Variants in PCDH17 observed in about 807,000 individuals in gnomAD.
PCDH17 encodes protocadherin-17.
In PCDH17, 21 loss-of-function variants were observed where a neutral mutation model predicts 67.7. The ratio of observed to expected loss-of-function variants is 0.31; its 90% CI spans 0.22 to 0.45. The LOEUF is 0.45. Among genes scored for constraint, PCDH17 ranks in the 20% least tolerant of loss-of-function variants. The probability of loss-of-function intolerance (pLI) is 1.00; values close to 1 mark genes in which losing one functional copy is unlikely to be tolerated. For missense variants in PCDH17, 1,471 were observed against 1,564.8 expected (o/e 0.94, Z 1.01); for synonymous variants, 701 against 656.7 (o/e 1.07, Z -1.03).
intron 2 of PCDH17, 21 bp downstream of exon 2, chr13:57,666,547 T>G (rs771316085): frequency 6.2e-7 from 1 of 1,612,662 alleles, no homozygotes; most frequent in Non-Finnish European, 8.5e-7. Context: ...TTAAATAACT[T>G]TTCTCAGCTT....
At chr13:57,660,924 CTGTT>C (rs1239379476) in intron 1 of PCDH17, among the ~76,000 whole-genome samples, 25 of 152,120 alleles carry the variant, frequency 1.6e-4, no homozygotes, top group African/African-American at 5.6e-4. Flanking sequence ...GATGGTCTGT[CTGTT>C]CACCTTTTGA....
intron 1 of PCDH17, among the ~76,000 whole-genome samples, chr13:57,642,604 T>G (rs746436980): frequency 6.6e-6 from 1 of 151,592 alleles, no homozygotes; most frequent in Non-Finnish European, 1.5e-5. Context: ...AGGCACTGAG[T>G]CATGAATTGT....
chr13:57,676,604 T>C (rs1955393636), intron 3 of PCDH17, among the ~76,000 whole-genome samples: 1 of 151,762 alleles, frequency 6.6e-6, no homozygotes, highest in Non-Finnish European at 1.5e-5. Context: ...GAAAAGATAA[T>C]AGGGTTCATA....
At position 57,683,768 on chromosome 13, in the gene PCDH17, A is replaced by C. The variant is rs1955480296; in HGVS notation, c.2797+16935A>C. Among the ~76,000 whole-genome samples, 4 of 152,026 alleles carry C rather than the reference A, an allele frequency of 2.6e-5. No homozygotes were observed. In the South Asian group the frequency reaches 8.3e-4, roughly 31 times the overall value. On this transcript the variant is annotated intron_variant, in intron 3 of 3. Transcript: ENST00000377918. ...GACACATTTCTAATTAAATCATTCA[A>C]TTTGAATACCCAGATAGTAGTGGGC...
intron 3 of PCDH17, among the ~76,000 whole-genome samples, chr13:57,675,671 C>T (rs1367406738): frequency 6.6e-6 from 1 of 151,846 alleles, no homozygotes; most frequent in African/African-American, 2.4e-5. Flanking sequence ...CAGTGTATGG[C>T]AAGTTGCTGT....
intron 3 of PCDH17, among the ~76,000 whole-genome samples, chr13:57,670,571 A>T (rs1006218470): frequency 1.3e-4 from 19 of 149,830 alleles, no homozygotes; most frequent in African/African-American, 4.1e-4. Context: ...ATAATTTAAA[A>T]ATATATATAT....
chr13:57,725,501 A>T lies in PCDH17; in HGVS notation c.*207A>T. 2 of 516,892 alleles carry T rather than the reference A, an allele frequency of 3.9e-6. No individual in the cohort carries two copies. 32.0% of individuals were successfully genotyped at this position (516,892 alleles called of 1,614,324 possible). A position where few individuals can be genotyped will look rare whatever the true frequency, so the allele number is the denominator to read the frequency against. On this transcript the variant is annotated 3_prime_UTR_variant, in exon 4 of 4. Coordinates refer to ENST00000377918, the MANE Select transcript of PCDH17 (RefSeq NM_001040429.3). ...ATAACAATGGTTTCGTTTTGACCAA[A>T]CTTGTATTAGGACAGAATTAATGAT... is the stretch of plus-strand genomic sequence containing the variant.
At chr13:57,658,882 C>T (rs966218043) in intron 1 of PCDH17, among the ~76,000 whole-genome samples, 4 of 151,988 alleles carry the variant, frequency 2.6e-5, no homozygotes, top group African/African-American at 9.7e-5. Flanking sequence ...TGGGTGCAAG[C>T]GATTCCCCTG....
In PCDH17 at chr13:57,666,488, G is replaced by A. The variant is rs1161075424; in HGVS notation, c.2586G>A (p.Glu862=). The change falls in exon 2 of 4, where the codon GAG becomes GAA. Residue 862 remains glutamate, a synonymous_variant. Transcript: ENST00000377918. ...SIIQTDNFPA[E]PNYMGSRQQF... ...CACAGACAGACAATTTTCCCGCAGA[G>A]CCCAATTACATGGGCAGCAGGCAGC... 1 of 1,613,810 alleles carries A rather than the reference G, an allele frequency of 6.2e-7. No homozygotes were observed.
At chr13:57,638,734 G>A (rs1954854964) in intron 1 of PCDH17, among the ~76,000 whole-genome samples, 3 of 151,948 alleles carry the variant, frequency 2.0e-5, no homozygotes, top group Admixed American at 2.0e-4. Context: ...AAATGATATT[G>A]AAGTGTAGAG....
At chr13:57,690,658 T>G (rs1955550191) in intron 3 of PCDH17, among the ~76,000 whole-genome samples, 1 of 151,646 alleles carries the variant, frequency 6.6e-6, no homozygotes, top group African/African-American at 2.4e-5. Flanking sequence ...ATGGTATATT[T>G]AATGTATACT....
At position 57,632,532 on chromosome 13, in the gene PCDH17, C is replaced by T. The variant is rs763971399; in HGVS notation, c.-15C>T. ...TCCAGTCCGATTGCTCCTGCCCCCA[C>T]CTTACAGGTCTGGGATGTACCTTTC... On this transcript the variant is annotated 5_prime_UTR_variant, in exon 1 of 4. Coordinates refer to ENST00000377918, the MANE Select transcript of PCDH17 (RefSeq NM_001040429.3). 1.2e-6 allele frequency: 2 copies of T among 1,609,580 alleles called. No individual in the cohort carries two copies. Among genetic ancestry groups the T allele is most frequent in the East Asian group, 2.2e-5 (1 of 44,710 alleles).
rs137953373 is a variant in PCDH17, at chr13:57,686,614, C to T, written c.2797+19781C>T. On this transcript the variant is annotated intron_variant, in intron 3 of 3. Transcript: ENST00000377918. ...TTTGCAAATAAGTAACAGCACTTGGCAATTAGATGGATATGACATCTGTAG... is the reference window on the plus strand; with the variant it reads ...TTTGCAAATAAGTAACAGCACTTGGTAATTAGATGGATATGACATCTGTAG... 2.1e-3 allele frequency among the ~76,000 whole-genome samples: 314 copies of T among 151,608 alleles called. 3 individuals are homozygous for T. Among genetic ancestry groups the T allele is most frequent in the African/African-American group, 7.5e-3 (310 of 41,366 alleles).
chr13:57,631,710 GA>G (rs1954723495), upstream of PCDH17: 1 of 152,360 alleles, frequency 6.6e-6, no homozygotes, highest in Admixed American at 6.5e-5. Context: ...GTGGGGAGAG[GA>G]AACTACAAAT....
chr13:57,707,687 T>A (rs1343643801), intron 3 of PCDH17, among the ~76,000 whole-genome samples: 1 of 152,040 alleles, frequency 6.6e-6, no homozygotes, highest in Admixed American at 6.6e-5. Context: ...ATAGTTCTGG[T>A]GGCTAGAAGT....
intron 3 of PCDH17, among the ~76,000 whole-genome samples, chr13:57,703,009 T>G (rs982649666): frequency 3.9e-5 from 6 of 152,190 alleles, no homozygotes; most frequent in Non-Finnish European, 5.9e-5. Context: ...ATATGTGTGT[T>G]CTGTCTTGTT....
chr13:57,666,832 A>G lies in PCDH17; in HGVS notation c.2796A>G (p.Gln932=), dbSNP rs1316701770. 6.2e-7 allele frequency: 1 copy of G among 1,602,228 alleles called. No individual in the cohort carries two copies. Among genetic ancestry groups the G allele is most frequent in the African/African-American group, 1.3e-5 (1 of 74,540 alleles). The stretch of plus-strand genomic sequence containing the variant: ...CAACTAAAAGCCAACCACTTGAACA[A>G]GGTGAGTGAAGTCTTCCAATGCTTA... ...TTSTKSQPLE[Q]EPEECVNCTD... is the part of the protein sequence containing the mutation. Residue 932 remains glutamine (Q), a splice_region_variant and synonymous_variant, in exon 3 of 4, where the codon CAA becomes CAG. Transcript: ENST00000377918.
Position 57,636,267 on chromosome 13 carries a change from T to A in PCDH17, c.2565+1156T>A, listed in dbSNP as rs112191445. 1.3e-3 allele frequency among the ~76,000 whole-genome samples: 191 copies of A among 152,296 alleles called. 2 individuals are homozygous for A. Among genetic ancestry groups the A allele is most frequent in the African/African-American group, 4.5e-3 (189 of 41,580 alleles). On this transcript the variant is annotated intron_variant, in intron 1 of 3. Coordinates refer to ENST00000377918, the MANE Select transcript of PCDH17 (RefSeq NM_001040429.3). ...GATGAGCAGTATGTGGAATTCAAAATTGAGCTTAACTGAAAGTGACACCGC... is the reference window on the plus strand; with the variant it reads ...GATGAGCAGTATGTGGAATTCAAAAATGAGCTTAACTGAAAGTGACACCGC...
intron 1 of PCDH17, among the ~76,000 whole-genome samples, chr13:57,660,171 G>C (rs1402171620): frequency 6.6e-6 from 1 of 152,162 alleles, no homozygotes; most frequent in Non-Finnish European, 1.5e-5. Flanking sequence ...ATTTGAACCT[G>C]GGAGGTTCAG....
Sources: gnomAD v4.1 joint callset for allele counts (sites outside exome capture counted in the v4.1 genomes callset) on GRCh38, gnomAD v4.1.1 for gene constraint, MANE v1.5 for transcripts, NCBI Gene and HGNC (gene_info 2026-07-23, HGNC 2026-07-21) for gene names.